PDLIM2: variants seen among roughly 807,000 people sequenced by gnomAD.
PDLIM2 encodes PDZ and LIM domain 2.
A neutral mutation model predicts 54.1 loss-of-function variants in PDLIM2; 51 were observed. The ratio of observed to expected loss-of-function variants is 0.94; its 90% CI spans 0.75 to 1.19. The LOEUF is 1.19. Ranked by LOEUF, PDLIM2 falls within the 50% of genes most tolerant of loss-of-function variation. The pLI is 0.00. For synonymous variants in PDLIM2, 398 were observed against 385.6 expected, an observed-to-expected ratio of 1.03 and a Z score of -0.38; for missense variants, 912 against 874.0, an observed-to-expected ratio of 1.04 and a Z score of -0.55.
At chr8:22,586,878 C>T (rs1800395425) in intron 6 of PDLIM2, among the ~76,000 whole-genome samples, 1 of 152,200 alleles carries the variant, frequency 6.6e-6, no homozygotes, top group South Asian at 2.1e-4. Flanking sequence ...CTCCAGCCTA[C>T]ACCCGCTGAA....
chr8:22,589,944 G>A (rs1255389621), intron 8 of PDLIM2: 11 of 644,490 alleles, frequency 1.7e-5, no homozygotes, highest in African/African-American at 5.5e-5. Flanking sequence ...GGTCACCAGC[G>A]TGCTCCCACA....
chr8:22,579,554 G>A, intron 1 of PDLIM2: 1 of 1,443,030 alleles, frequency 6.9e-7, no homozygotes, highest in Non-Finnish European at 9.1e-7. Flanking sequence ...GCGGCCGCGA[G>A]CCGGCCTCGG....
At chr8:22,591,499 G>A (rs1170477582) in intron 8 of PDLIM2, 52 bp from the exon 8 acceptor site, 3 of 1,496,420 alleles carry the variant, frequency 2.0e-6, no homozygotes, top group Non-Finnish European at 2.8e-6. Context: ...ATCTTTGGGA[G>A]GATGCTGTGG....
downstream of PDLIM2, chr8:22,594,463 C>T: frequency 6.2e-7 from 1 of 1,611,114 alleles, no homozygotes; most frequent in South Asian, 1.1e-5. Flanking sequence ...CATGGAAGGG[C>T]CTTGCCTCTT....
At chr8:22,589,057 C>T (rs1334122034) in intron 6 of PDLIM2, 4 of 581,384 alleles carry the variant, frequency 6.9e-6, no homozygotes, top group Non-Finnish European at 1.2e-5. Context: ...GCCTCCCTCC[C>T]TCTCTGGACC....
At chr8:22,582,898 A>T (rs1800249857) in intron 3 of PDLIM2, among the ~76,000 whole-genome samples, 1 of 130,226 alleles carries the variant, frequency 7.7e-6, no homozygotes, top group Non-Finnish European at 1.6e-5. Flanking sequence ...ACTTTTGCTG[A>T]CGTGATGCCC....
rs1034194662 is a variant in PDLIM2 at position 22,581,563 on chromosome 8, T to C, written c.995+33T>C. The C allele has an allele frequency of 3.9e-6, 6 of 1,536,288 alleles. No homozygotes were observed. In the African/African-American group the frequency reaches 4.1e-5, roughly 10 times the overall value. ...CTCCCGCTCTGCAGAGCCTGTGGCA[T>C]TCCCCCTCCTCCACCACCCCACGTA... On this transcript the variant is annotated intron_variant, in intron 3 of 9. Transcript: ENST00000308354.
intron 3 of PDLIM2, among the ~76,000 whole-genome samples, chr8:22,583,753 C>G (rs912471971): frequency 6.7e-6 from 1 of 148,780 alleles, no homozygotes; most frequent in Non-Finnish European, 1.5e-5. Context: ...GGTGACAGAG[C>G]GAGACTCCAT....
intron 6 of PDLIM2, chr8:22,587,856 A>T (rs1309339213): frequency 6.6e-6 from 1 of 152,340 alleles, no homozygotes; most frequent in Admixed American, 6.5e-5. Flanking sequence ...GAGGCTCAGG[A>T]TGCCCTTATA....
chr8:22,593,706 G>T, intron 9 of PDLIM2, 27 bp from the exon 9 acceptor site: 2 of 1,549,322 alleles, frequency 1.3e-6, no homozygotes, highest in Non-Finnish European at 1.7e-6. Context: ...CTGTGGCTCT[G>T]AGCTAAAGCC....
At chr8:22,579,565 G>A in intron 1 of PDLIM2, 1 of 1,436,908 alleles carries the variant, frequency 7.0e-7, no homozygotes, top group Non-Finnish European at 9.1e-7. Flanking sequence ...CCGGCCTCGG[G>A]GACTGGGGTG....
exon 1 of PDLIM2, chr8:22,578,751 A>G (rs1199719091): frequency 1.6e-6 from 2 of 1,233,534 alleles, no homozygotes; most frequent in Non-Finnish European, 2.0e-6. Flanking sequence ...AGACACACCC[A>G]GGCAGCCCAC....
chr8:22,580,269 G>A (rs371972938), intron 1 of PDLIM2: 3 of 383,840 alleles, frequency 7.8e-6, no homozygotes, highest in African/African-American at 4.2e-5. Flanking sequence ...CTGAGGGGGT[G>A]CTGGCATCCC....
intron 3 of PDLIM2, among the ~76,000 whole-genome samples, chr8:22,584,202 G>A (rs934664207): frequency 4.6e-5 from 7 of 150,962 alleles, no homozygotes; most frequent in African/African-American, 1.7e-4. Context: ...TTAGAGATGG[G>A]GTTTCACCTT....
In PDLIM2 at chr8:22,579,392, C is replaced by T. The variant is rs367596541; in HGVS notation, c.613C>T (p.Leu205Phe). 1.3e-6 allele frequency: 2 copies of T among 1,506,320 alleles called. No homozygotes were observed. Among genetic ancestry groups the T allele is most frequent in the East Asian group, 2.7e-5 (1 of 36,864 alleles). The allele number at this position is 1,506,320 out of a possible 1,614,324, so 93.3% of individuals were successfully genotyped here. A position where few individuals can be genotyped will look rare whatever the true frequency, so the allele number is the denominator to read the frequency against. Residue 205 changes from leucine (L) to phenylalanine (F), a missense_variant, in exon 1 of 10, where the codon CTC (leucine) becomes TTC (phenylalanine). Transcript: ENST00000308354. ...AGCTGCGCTCTCCCCGGCCGGAGCG[C>T]TCCTCCTCCAGCCCCCAGCCCGCAG...
At chr8:22,583,038 A>T (rs1271903609) in intron 3 of PDLIM2, among the ~76,000 whole-genome samples, 2 of 151,554 alleles carry the variant, frequency 1.3e-5, no homozygotes, top group African/African-American at 4.9e-5. Context: ...CCCTGATCCC[A>T]TGGCTCTCCC....
intron 1 of PDLIM2, chr8:22,579,674 C>A: frequency 1.0e-6 from 1 of 995,624 alleles, no homozygotes. Flanking sequence ...ATTCTCGCAG[C>A]ACTTGCGTCC....
chr8:22,580,707 G>C lies in PDLIM2; in HGVS notation c.843+10G>C, dbSNP rs1170744160. On this transcript the variant is annotated intron_variant, in intron 2 of 9. Coordinates refer to ENST00000308354, the Ensembl canonical transcript of PDLIM2. ...CATCATGGTGACTAAGGTAAGGATG[G>C]TGGCTCAAAGAGATGAGAAGGTCCT... 6.2e-7 allele frequency: 1 copy of C among 1,613,374 alleles called. No homozygotes were observed. The highest frequency in any genetic ancestry group is 1.1e-5 in the South Asian group (1 of 91,068).
At position 22,579,354 on chromosome 8, in the gene PDLIM2, G is replaced by A. The variant is rs1221180314; in HGVS notation, c.575G>A (p.Gly192Glu). 1.2e-5 allele frequency: 17 copies of A among 1,469,882 alleles called. No individual in the cohort carries two copies. The highest frequency in any genetic ancestry group is 2.9e-5 in the African/African-American group (2 of 67,886). The allele number at this position is 1,469,882 out of a possible 1,614,324, so 91.1% of individuals were successfully genotyped here. A position where few individuals can be genotyped will look rare whatever the true frequency, so the allele number is the denominator to read the frequency against. The change falls in exon 1 of 10, where the codon GGG (glycine) becomes GAG (glutamate). Residue 192 changes from glycine to glutamate, a missense_variant. Gly to Glu is a moderately conservative substitution (Grantham distance 98). Transcript: ENST00000308354. ...GCTCCCTGGAGCCTCGCATCAGCGG[G>A]GGCGCCCCCGCGAGCTGCGCTCTCC...
Sources: gnomAD v4.1 joint callset for allele counts (sites outside exome capture counted in the v4.1 genomes callset) on GRCh38, gnomAD v4.1.1 for gene constraint, MANE v1.5 for transcripts, NCBI Gene and HGNC (gene_info 2026-07-23, HGNC 2026-07-21) for gene names.